The following PANK2 variants were observed in gnomAD, a reference collection of about 807,000 sequenced individuals.
PANK2 encodes the protein pantothenate kinase 2, mitochondrial.
In PANK2, 36 loss-of-function variants were observed where a neutral mutation model predicts 43.1. That is an observed-to-expected ratio of 0.84 (90% confidence interval 0.64 to 1.10). The LOEUF is 1.10. Among genes scored for constraint, PANK2 ranks in the 50% least tolerant of loss-of-function variants. The probability of loss-of-function intolerance (pLI) is 0.00; values close to 1 mark genes in which losing one functional copy is unlikely to be tolerated. For missense variants in PANK2, 576 were observed against 593.3 expected, an observed-to-expected ratio of 0.97 and a Z score of 0.30; for synonymous variants, 281 against 238.2, an observed-to-expected ratio of 1.18 and a Z score of -1.66.
chr20:3,888,959 G>C, upstream of PANK2: 2 of 580,810 alleles, frequency 3.4e-6, no homozygotes, highest in Non-Finnish European at 5.7e-6. Flanking sequence ...CAGACGCTGC[G>C]GGAGCACTGC....
intron 4 of PANK2, among the ~76,000 whole-genome samples, chr20:3,914,017 C>T (rs1307583182): frequency 4.0e-5 from 6 of 151,806 alleles, no homozygotes; most frequent in South Asian, 4.2e-4. Context: ...TCTCGATCTG[C>T]TGACCTCATG....
intron 1 of PANK2, among the ~76,000 whole-genome samples, chr20:3,899,253 C>G (rs998866587): frequency 3.3e-5 from 5 of 150,840 alleles, no homozygotes; most frequent in African/African-American, 4.9e-5. Flanking sequence ...CTCACTGCAA[C>G]CTCCACCTCC....
intron 1 of PANK2, among the ~76,000 whole-genome samples, chr20:3,893,729 T>C (rs2090159040): frequency 6.6e-6 from 1 of 152,158 alleles, no homozygotes; most frequent in Non-Finnish European, 1.5e-5. Context: ...TCATTTTTTC[T>C]TGGCTTTCCG....
Position 3,922,062 on chromosome 20 carries a change from C to T in PANK2, c.1333-1182C>T, listed in dbSNP as rs141559457. Among the ~76,000 whole-genome samples the T allele has an allele frequency of 1.6e-3, 250 of 152,274 alleles. 2 individuals are homozygous for T. Among genetic ancestry groups the T allele is most frequent in the African/African-American group, 5.9e-3 (247 of 41,556 alleles). On this transcript the variant is annotated intron_variant, in intron 6 of 6. Coordinates refer to ENST00000610179, the MANE Select transcript of PANK2 (RefSeq NM_001386393.1). ...AGAGTGTGACAAGAAAGCCTTTGGC[C>T]TCTCGTTTGATCAGGTTTCTTGAAG... is the stretch of plus-strand genomic sequence containing the variant.
rs11468265 is a variant in PANK2 at position 3,902,972 on chromosome 20, G to GACACACACACACACACACACAC, written c.299-4929_299-4908dup. 1.5e-3 allele frequency among the ~76,000 whole-genome samples: 219 copies of GACACACACACACACACACACAC among 141,420 alleles called. 1 individual carries two copies. Among genetic ancestry groups the GACACACACACACACACACACAC allele is most frequent in the African/African-American group, 5.4e-3 (203 of 37,424 alleles). 92.8% of individuals were successfully genotyped at this position (141,420 alleles called of 152,430 possible). A position where few individuals can be genotyped will look rare whatever the true frequency, so the allele number is the denominator to read the frequency against. ...CCATGAGTTTCGACAGATGTGTATA[G>GACACACACACACACACACACAC]ACACACACACACACACACACACACA... On this transcript the variant is annotated intron_variant, in intron 1 of 6. Transcript: ENST00000610179.
In PANK2 at chr20:3,929,373, T is replaced by G. The variant is rs1218392772; in HGVS notation, c.*6079T>G. ...ACAATGGTGCCACTGCACTCCAGTC[T>G]GGGTAACAAGACCCTGTCTCAACAA... is the stretch of plus-strand genomic sequence containing the variant. On this transcript the variant is annotated 3_prime_UTR_variant, in exon 7 of 7. Coordinates refer to ENST00000610179, the MANE Select transcript of PANK2 (RefSeq NM_001386393.1). 1 of 152,364 alleles carries G rather than the reference T, an allele frequency of 6.6e-6. No homozygotes were observed. Among genetic ancestry groups the G allele is most frequent in the Non-Finnish European group, 1.5e-5 (1 of 68,138 alleles). 9.4% of individuals were successfully genotyped at this position (152,364 alleles called of 1,614,324 possible). A position where few individuals can be genotyped will look rare whatever the true frequency, so the allele number is the denominator to read the frequency against.
At chr20:3,914,626 GTCTC>G (rs895153665) in intron 4 of PANK2, among the ~76,000 whole-genome samples, 3 of 151,456 alleles carry the variant, frequency 2.0e-5, no homozygotes, top group Non-Finnish European at 2.9e-5. Flanking sequence ...GTGTGGCAGG[GTCTC>G]TCTCTGTTGC....
Position 3,889,758 on chromosome 20 carries a change from C to G in PANK2, c.298+30C>G, listed in dbSNP as rs3737085. 3.7e-3 allele frequency: 5,779 copies of G among 1,578,136 alleles called. 114 individuals are homozygous for G. In the East Asian group the frequency reaches 0.057, roughly 16 times the overall value. ...GTGTTCCGTGGGGCGCCCTCCCGGCCCGCCCTGCCCCCCCTTCCGGCCCAC... is the reference window on the plus strand; with the variant it reads ...GTGTTCCGTGGGGCGCCCTCCCGGCGCGCCCTGCCCCCCCTTCCGGCCCAC... On this transcript the variant is annotated intron_variant, in intron 1 of 6. Coordinates refer to ENST00000610179, the MANE Select transcript of PANK2 (RefSeq NM_001386393.1).
chr20:3,893,931 GTTT>G (rs374582085), intron 1 of PANK2, among the ~76,000 whole-genome samples: 4 of 73,176 alleles, frequency 5.5e-5, no homozygotes, highest in African/African-American at 4.1e-5. Context: ...TTTGTTTTTT[GTTT>G]TTTTTTTTTT....
chr20:3,910,794 A>T lies in PANK2; in HGVS notation c.869A>T (p.Tyr290Phe). ...TCAGGGGTTAGCATCTTAGCAGTATATTCCAAAGATAATTACAAACGGGTC... is the reference window on the plus strand; with the variant it reads ...TCAGGGGTTAGCATCTTAGCAGTATTTTCCAAAGATAATTACAAACGGGTC... Residue 290 changes from tyrosine (Y) to phenylalanine (F), a missense_variant, in exon 3 of 7, where the codon TAT becomes TTT. By Grantham distance (22) the Tyr-to-Phe change is conservative (BLOSUM62 3). This residue lies in a region of PANK2 where 544 missense variants were observed against 528.9 expected (regional missense o/e 1.03). Coordinates refer to ENST00000610179, the MANE Select transcript of PANK2 (RefSeq NM_001386393.1). The T allele has an allele frequency of 6.2e-7, 1 of 1,614,184 alleles. No homozygotes were observed. The highest frequency in any genetic ancestry group is 8.5e-7 in the Non-Finnish European group (1 of 1,180,020).
intron 1 of PANK2, among the ~76,000 whole-genome samples, chr20:3,907,135 ACT>A (rs2090400788): frequency 1.1e-5 from 1 of 94,168 alleles, no homozygotes; most frequent in African/African-American, 4.2e-5. Context: ...ACAGAGCCTC[ACT>A]CTGTCGCCCA....
chr20:3,896,844 C>T (rs1306426075), intron 1 of PANK2, among the ~76,000 whole-genome samples: 1 of 152,128 alleles, frequency 6.6e-6, no homozygotes, highest in Non-Finnish European at 1.5e-5. Context: ...TTATAATAAA[C>T]CAGTAAATGT....
chr20:3,889,438 G>T lies in PANK2; in HGVS notation c.8G>T (p.Gly3Val), dbSNP rs1268207892. Reference sequence around the variant, plus strand: ...GCGAGAAGGAATCCGACGCTGGGGGGCTTGCTCGGGCGGCAGCGACTGCTG... The same window carrying T: ...GCGAGAAGGAATCCGACGCTGGGGGTCTTGCTCGGGCGGCAGCGACTGCTG... Residue 3 changes from glycine to valine, a missense_variant, in exon 1 of 7, where the codon GGC becomes GTC. Gly to Val is a moderately radical substitution (Grantham distance 109). Coordinates refer to ENST00000610179, the MANE Select transcript of PANK2 (RefSeq NM_001386393.1). 9 of 1,557,218 alleles carry T rather than the reference G, an allele frequency of 5.8e-6. No individual in the cohort carries two copies. In the Admixed American group the frequency reaches 7.5e-5, roughly 13 times the overall value.
intron 1 of PANK2, 162 bp downstream of exon 1, chr20:3,889,890 T>C (rs1185757895): frequency 3.3e-6 from 5 of 1,532,218 alleles, no homozygotes; most frequent in Non-Finnish European, 4.4e-6. Flanking sequence ...AGGCCTCGGG[T>C]GCTCCGAAAG....
At chr20:3,914,074 C>A (rs187916687) in intron 4 of PANK2, among the ~76,000 whole-genome samples, 2 of 152,032 alleles carry the variant, frequency 1.3e-5, no homozygotes, top group African/African-American at 2.4e-5. Flanking sequence ...CAGGCGTGAG[C>A]CACTGCGCCT....
chr20:3,894,770 A>G (rs1351152892), intron 1 of PANK2, among the ~76,000 whole-genome samples: 2 of 152,090 alleles, frequency 1.3e-5, no homozygotes, highest in East Asian at 3.9e-4. Flanking sequence ...GTGGAACCAA[A>G]GTAAATACAG....
At position 3,926,588 on chromosome 20, in the gene PANK2, C is replaced by T. The variant is rs2090723261; in HGVS notation, c.*3294C>T. 1 of 152,264 alleles carries T rather than the reference C, an allele frequency of 6.6e-6. No individual in the cohort carries two copies. The allele number at this position is 152,264 out of a possible 1,614,324, so 9.4% of individuals were successfully genotyped here. On this transcript the variant is annotated 3_prime_UTR_variant, in exon 7 of 7. Transcript: ENST00000610179. Reference sequence around the variant, plus strand: ...TCCAGGCCTGGGATATAGCTAGGGGCTTGGGGTGGGGGCAACTCTTTGCAG... The same window carrying T: ...TCCAGGCCTGGGATATAGCTAGGGGTTTGGGGTGGGGGCAACTCTTTGCAG...
chr20:3,888,863 T>C, upstream of PANK2: 1 of 485,810 alleles, frequency 2.1e-6, no homozygotes, highest in South Asian at 3.8e-5. Context: ...GCTGGCGGCC[T>C]CGACGGCAGC....
At chr20:3,914,064 C>T (rs561980374) in intron 4 of PANK2, among the ~76,000 whole-genome samples, 2 of 152,156 alleles carry the variant, frequency 1.3e-5, no homozygotes, top group African/African-American at 2.4e-5. Context: ...GCTGGGATTA[C>T]AGGCGTGAGC....
Sources: allele counts gnomAD v4.1 joint callset (sites outside exome capture counted in the v4.1 genomes callset), GRCh38; gene constraint gnomAD v4.1.1; regional missense constraint gnomAD v4.1.1; transcripts MANE v1.5; gene names NCBI Gene and HGNC (gene_info 2026-07-23, HGNC 2026-07-21).